ROBO2: variants seen among roughly 807,000 people sequenced by gnomAD.
ROBO2 encodes roundabout guidance receptor 2.
In ROBO2, 53 loss-of-function variants were observed where a neutral mutation model predicts 160.8. That is an observed-to-expected ratio of 0.33 (90% CI 0.26 to 0.41). The LOEUF is 0.41. Ranked by LOEUF, ROBO2 falls within the 10% of genes least tolerant of loss-of-function variation. The pLI, the probability that ROBO2 is intolerant of heterozygous loss-of-function variation, is 1.00. For missense variants in ROBO2, 1,577 were observed against 1,722.4 expected (o/e 0.92, Z 1.49); for synonymous variants, 664 against 611.7 (o/e 1.09, Z -1.26).
At chr3:77,390,948 A>G (rs1403576059) in intron 2 of ROBO2, among the ~76,000 whole-genome samples, 1 of 151,760 alleles carries the variant, frequency 6.6e-6, no homozygotes, top group Non-Finnish European at 1.5e-5. Flanking sequence ...TCCCTTCCCT[A>G]TGCCTTCTGG....
intron 2 of ROBO2, among the ~76,000 whole-genome samples, chr3:76,567,808 T>TATA (rs56837327): frequency 0.11 from 6,772 of 64,024 alleles, 485 homozygotes; most frequent in African/African-American, 0.24. Context: ...TATATATATA[T>TATA]TTTTTTTTTT....
At chr3:76,053,177 CT>C (rs1439916011) in intron 2 of ROBO2, among the ~76,000 whole-genome samples, 1 of 151,850 alleles carries the variant, frequency 6.6e-6, no homozygotes, top group Non-Finnish European at 1.5e-5. Context: ...GTCAGTTTTG[CT>C]TTTTACGTTA....
chr3:76,528,352 T>A (rs900995878), intron 2 of ROBO2, among the ~76,000 whole-genome samples: 1 of 152,018 alleles, frequency 6.6e-6, no homozygotes, highest in Non-Finnish European at 1.5e-5. Flanking sequence ...CCAGGGAAGA[T>A]GACAGTGCCT....
At chr3:76,903,378 ACTCT>A (rs2075365408) in intron 2 of ROBO2, among the ~76,000 whole-genome samples, 1 of 151,396 alleles carries the variant, frequency 6.6e-6, no homozygotes, top group Admixed American at 6.6e-5. Flanking sequence ...ACAGTTTTCC[ACTCT>A]CTCTTCAGTG....
chr3:77,398,808 A>G (rs1054424875), intron 2 of ROBO2, among the ~76,000 whole-genome samples: 1 of 151,570 alleles, frequency 6.6e-6, no homozygotes, highest in African/African-American at 2.4e-5. Context: ...CTGGTGTTGA[A>G]CTCTTGAGCC....
intron 2 of ROBO2, among the ~76,000 whole-genome samples, chr3:76,247,731 T>C (rs1386561031): frequency 6.6e-6 from 1 of 152,124 alleles, no homozygotes; most frequent in Non-Finnish European, 1.5e-5. Flanking sequence ...GAGAAAATTT[T>C]CGCAACCTAC....
At chr3:77,304,140 G>T (rs922139672) in intron 2 of ROBO2, among the ~76,000 whole-genome samples, 2 of 152,150 alleles carry the variant, frequency 1.3e-5, no homozygotes, top group African/African-American at 2.4e-5. Flanking sequence ...GAGATTTAGG[G>T]TGATGAGAAG....
chr3:77,116,571 AT>A (rs1284167311), intron 2 of ROBO2, among the ~76,000 whole-genome samples: 1 of 151,438 alleles, frequency 6.6e-6, no homozygotes, highest in Non-Finnish European at 1.5e-5. Context: ...TTAGAAAAAA[AT>A]ACAAGAAATG....
chr3:77,641,003 T>C (rs572399795), intron 24 of ROBO2, among the ~76,000 whole-genome samples: 101 of 152,340 alleles, frequency 6.6e-4, no homozygotes, highest in Non-Finnish European at 1.1e-3. Context: ...ATAAGTTATT[T>C]TGGAAGAAAA....
intron 2 of ROBO2, among the ~76,000 whole-genome samples, chr3:76,314,677 G>A (rs191745372): frequency 1.3e-4 from 20 of 152,074 alleles, no homozygotes; most frequent in East Asian, 7.7e-4. Flanking sequence ...TCTTCCTTAC[G>A]ATTTTCTTAA....
chr3:76,917,065 G>A (rs981487884), intron 2 of ROBO2, among the ~76,000 whole-genome samples: 1 of 152,132 alleles, frequency 6.6e-6, no homozygotes, highest in East Asian at 1.9e-4. Flanking sequence ...TTAAAGGCAG[G>A]CGTTGATAAT....
At chr3:77,617,622 C>G in exon 22 of ROBO2, 1 of 1,614,116 alleles carries the variant, frequency 6.2e-7, no homozygotes. Flanking sequence ...ACCTCCTGTT[C>G]GAGGCGTGGC....
intron 2 of ROBO2, among the ~76,000 whole-genome samples, chr3:75,974,100 G>C (rs959398688): frequency 1.3e-5 from 2 of 151,696 alleles, no homozygotes; most frequent in African/African-American, 4.8e-5. Context: ...ACAGCTTACA[G>C]TTGCTGAAAC....
chr3:77,632,377 G>C (rs1394984172), intron 23 of ROBO2: 3 of 866,218 alleles, frequency 3.5e-6, no homozygotes, highest in Admixed American at 6.3e-5. Context: ...CTTCAAGGAA[G>C]AAGCATGGAC....
chr3:75,966,755 A>G (rs1362559385), intron 2 of ROBO2, among the ~76,000 whole-genome samples: 3 of 151,802 alleles, frequency 2.0e-5, no homozygotes, highest in Admixed American at 1.3e-4. Context: ...TGTTGCCCTC[A>G]CTTTTCTATT....
chr3:77,349,250 A>C (rs1047478272), intron 2 of ROBO2, among the ~76,000 whole-genome samples: 2 of 152,212 alleles, frequency 1.3e-5, no homozygotes, highest in Non-Finnish European at 2.9e-5. Flanking sequence ...TAGATAGTAC[A>C]GGTATTATTT....
chr3:76,427,781 C>T (rs957622563), intron 2 of ROBO2, among the ~76,000 whole-genome samples: 3 of 152,054 alleles, frequency 2.0e-5, no homozygotes, highest in Non-Finnish European at 4.4e-5. Context: ...GATTTTATAG[C>T]TATCTCTTTA....
At chr3:76,536,999 G>C (rs2082542606) in intron 2 of ROBO2, among the ~76,000 whole-genome samples, 1 of 152,066 alleles carries the variant, frequency 6.6e-6, no homozygotes, top group Non-Finnish European at 1.5e-5. Context: ...TGAGCGTGAG[G>C]AAGGGAGGTG....
chr3:77,646,165 G>A (rs1212402715), exon 26 of ROBO2: 8 of 709,940 alleles, frequency 1.1e-5, no homozygotes, highest in African/African-American at 1.8e-5. Flanking sequence ...ACTATTAAAA[G>A]AACTGTAAAT....
Sources: gnomAD v4.1 joint callset for allele counts (sites outside exome capture counted in the v4.1 genomes callset) on GRCh38, gnomAD v4.1.1 for gene constraint, MANE v1.5 for transcripts, NCBI Gene and HGNC (gene_info 2026-07-23, HGNC 2026-07-21) for gene names.